KLF8: variants seen among roughly 807,000 people sequenced by gnomAD.
KLF8 encodes KLF transcription factor 8.
KLF8 carries 10 observed loss-of-function variants against 18.2 expected under a neutral mutation model. That is an observed-to-expected ratio of 0.55 (90% CI 0.34 to 0.93). The LOEUF is 0.93. Among genes scored for constraint, KLF8 ranks in the 40% least tolerant of loss-of-function variants. KLF8 has a pLI of 0.02. For missense variants in KLF8, 264 were observed against 277.9 expected, an observed-to-expected ratio of 0.95 and a Z score of 0.36; for synonymous variants, 109 against 97.3, an observed-to-expected ratio of 1.12 and a Z score of -0.71.
the KLF8 span, among the ~76,000 whole-genome samples, chrX:56,026,425 G>T: frequency 2.7e-5 from 3 of 111,722 alleles, no homozygotes; most frequent in African/African-American, 9.8e-5. Flanking sequence ...GGAAGTCCTC[G>T]CAGTATAGGA....
chrX:56,182,075 C>T, the KLF8 span, among the ~76,000 whole-genome samples: 2 of 111,841 alleles, frequency 1.8e-5, no homozygotes, highest in Non-Finnish European at 3.8e-5. Context: ...TGGTTCCATT[C>T]TCCCTATCAC....
At chrX:56,144,294 CACAA>C in the KLF8 span, among the ~76,000 whole-genome samples, 2 of 111,195 alleles carry the variant, frequency 1.8e-5, no homozygotes, top group Non-Finnish European at 3.8e-5. Flanking sequence ...ACACCAAAAG[CACAA>C]ACAAAGAAAA....
chrX:56,138,065 A>AAG, the KLF8 span, among the ~76,000 whole-genome samples: 1 of 106,825 alleles, frequency 9.4e-6, no homozygotes, highest in Non-Finnish European at 1.9e-5. Context: ...AAAAAAAAAA[A>AAG]ACCCTCAGAG....
chrX:56,214,900 A>G, the KLF8 span, among the ~76,000 whole-genome samples: 6 of 112,410 alleles, frequency 5.3e-5, no homozygotes. Context: ...TTCCTTGCAT[A>G]AACATATCTT....
the KLF8 span, among the ~76,000 whole-genome samples, chrX:56,184,579 G>A: frequency 8.9e-5 from 10 of 112,228 alleles, no homozygotes; most frequent in East Asian, 1.1e-3. Context: ...CCTCAAGTGC[G>A]TCCCTGACCC....
At chrX:56,183,310 C>A in the KLF8 span, among the ~76,000 whole-genome samples, 2 of 112,295 alleles carry the variant, frequency 1.8e-5, no homozygotes, top group South Asian at 7.4e-4. Flanking sequence ...TTTACTAAGA[C>A]TGATGGAAAA....
the KLF8 span, among the ~76,000 whole-genome samples, chrX:55,949,736 A>G: frequency 9.2e-6 from 1 of 109,046 alleles, no homozygotes; most frequent in East Asian, 2.9e-4. Context: ...GGTTGCAGTG[A>G]GCCAAGATTG....
intron 1 of KLF8, among the ~76,000 whole-genome samples, chrX:56,234,968 G>C (rs886440418): frequency 9.0e-6 from 1 of 111,644 alleles, no homozygotes; most frequent in African/African-American, 3.3e-5. Context: ...CTTACTTAAT[G>C]GCTGTACCTT....
chrX:55,984,630 G>A, the KLF8 span, among the ~76,000 whole-genome samples: 1 of 111,366 alleles, frequency 9.0e-6, no homozygotes, highest in Non-Finnish European at 1.9e-5. Flanking sequence ...ATTCCTTTGG[G>A]TATATAACCA....
chrX:56,257,754 C>T (rs909420402), intron 2 of KLF8, among the ~76,000 whole-genome samples: 7 of 112,233 alleles, frequency 6.2e-5, no homozygotes, highest in African/African-American at 1.3e-4. Context: ...TGATCCATTC[C>T]GCCATCGATG....
intron 1 of KLF8, among the ~76,000 whole-genome samples, chrX:56,242,605 T>C: frequency 8.9e-6 from 1 of 111,732 alleles, no homozygotes; most frequent in Non-Finnish European, 1.9e-5. Context: ...CCTTTTCTGG[T>C]ATTTCTTATC....
the KLF8 span, among the ~76,000 whole-genome samples, chrX:56,040,886 CTT>C: frequency 2.3e-3 from 70 of 30,226 alleles, 1 homozygote; most frequent in South Asian, 0.026. Flanking sequence ...TGGTCTTGGG[CTT>C]TTTTTTTTTT....
chrX:55,920,140 G>A, the KLF8 span, among the ~76,000 whole-genome samples: 4 of 111,675 alleles, frequency 3.6e-5, no homozygotes, highest in South Asian at 7.6e-4. Context: ...TAGCTCCCCC[G>A]GGTGGCTAGA....
At chrX:55,957,139 G>A in the KLF8 span, among the ~76,000 whole-genome samples, 1 of 111,506 alleles carries the variant, frequency 9.0e-6, no homozygotes, top group Admixed American at 9.5e-5. Flanking sequence ...GCCATTTGTT[G>A]AGGAGACTGT....
At chrX:56,121,465 T>G in the KLF8 span, among the ~76,000 whole-genome samples, 1,278 of 112,392 alleles carry the variant, frequency 0.011, 11 homozygotes, top group African/African-American at 0.04. Flanking sequence ...TGGACTTATA[T>G]CCTGACTCCT....
chrX:56,084,237 G>A, the KLF8 span, among the ~76,000 whole-genome samples: 1 of 110,392 alleles, frequency 9.1e-6, no homozygotes, highest in Non-Finnish European at 1.9e-5. Flanking sequence ...TAAAAAAATG[G>A]CCAAGCGTGG....
the KLF8 span, among the ~76,000 whole-genome samples, chrX:55,988,090 T>A: frequency 3.6e-5 from 4 of 112,123 alleles, no homozygotes; most frequent in Non-Finnish European, 7.5e-5. Context: ...CATTGTAGAT[T>A]CTGGATATTA....
chrX:56,270,072 AT>A, intron 4 of KLF8, 109 bp from the exon 5 acceptor site: 1 of 770,810 alleles, frequency 1.3e-6, no homozygotes, highest in Non-Finnish European at 1.9e-6. Flanking sequence ...CTAGCATTAA[AT>A]TCACGTAAAT....
At chrX:55,994,883 G>A in the KLF8 span, among the ~76,000 whole-genome samples, 2 of 112,034 alleles carry the variant, frequency 1.8e-5, no homozygotes, top group African/African-American at 6.5e-5. Context: ...TGAAAATAAT[G>A]TATATTCTGC....
Sources: gnomAD v4.1 joint callset for allele counts (sites outside exome capture counted in the v4.1 genomes callset) on GRCh38, gnomAD v4.1.1 for gene constraint, MANE v1.5 for transcripts, NCBI Gene and HGNC (gene_info 2026-07-23, HGNC 2026-07-21) for gene names.